Variants in NUDT21 observed in about 807,000 individuals in gnomAD.
NUDT21 encodes nudix hydrolase 21.
Under a neutral mutation model 29.8 loss-of-function variants are expected in NUDT21, and 5 were observed. That is an observed-to-expected ratio of 0.17 (90% confidence interval 0.09 to 0.35). The LOEUF (loss-of-function observed/expected upper bound fraction) is 0.35. NUDT21 is among the 10% of genes least tolerant of loss of function. The pLI, the probability that NUDT21 is intolerant of heterozygous loss-of-function variation, is 1.00. For missense variants in NUDT21, 76 were observed against 276.0 expected (o/e 0.28, Z 5.13); for synonymous variants, 113 against 98.5 (o/e 1.15, Z -0.87).
chr16:56,431,631 A>G lies in NUDT21; in HGVS notation c.*1081T>C, dbSNP rs1288551776. The G allele has an allele frequency of 6.6e-6, 1 of 152,206 alleles. No individual in the cohort carries two copies. The highest frequency in any genetic ancestry group is 2.4e-5 in the African/African-American group (1 of 41,444). The allele number at this position is 152,206 out of a possible 1,614,324, so 9.4% of individuals were successfully genotyped here. A position where few individuals can be genotyped will look rare whatever the true frequency, so the allele number is the denominator to read the frequency against. On this transcript the variant is annotated 3_prime_UTR_variant, in exon 7 of 7. Transcript: ENST00000300291. ...TCAACAAGTCTGTAATAAGGCATAC[A>G]TGCTATACTTTGATCATTAAATAAT...
At chr16:56,439,199 A>C (rs1433701658) in intron 4 of NUDT21, 1 of 154,504 alleles carries the variant, frequency 6.5e-6, no homozygotes, top group African/African-American at 2.4e-5. Context: ...TTTGAGAAGG[A>C]GTCTCACTGT....
chr16:56,443,231 C>T (rs1297670150), intron 3 of NUDT21, among the ~76,000 whole-genome samples: 3 of 151,338 alleles, frequency 2.0e-5, no homozygotes, highest in African/African-American at 7.3e-5. Context: ...GGCTGGCGTG[C>T]AGTGGCATGA....
chr16:56,450,127 A>G (rs1470038458), intron 1 of NUDT21, among the ~76,000 whole-genome samples: 6 of 152,142 alleles, frequency 3.9e-5, no homozygotes, highest in African/African-American at 1.2e-4. Flanking sequence ...AAACATCAAT[A>G]CCACCAAATC....
intron 3 of NUDT21, 88 bp from the exon 4 acceptor site, chr16:56,439,834 T>G (rs1402832220): frequency 8.9e-6 from 9 of 1,006,808 alleles, no homozygotes; most frequent in African/African-American, 1.6e-5. Flanking sequence ...TTAGCAGTGC[T>G]CCTAATTGAA....
At chr16:56,438,572 G>C (rs1326149804) in intron 4 of NUDT21, among the ~76,000 whole-genome samples, 1 of 152,138 alleles carries the variant, frequency 6.6e-6, no homozygotes, top group African/African-American at 2.4e-5. Context: ...AGGCCTAAAG[G>C]CTGCTAAATT....
intron 4 of NUDT21, 32 bp from the exon 5 acceptor site, chr16:56,434,861 G>A: frequency 8.0e-7 from 1 of 1,246,522 alleles, no homozygotes; most frequent in South Asian, 1.2e-5. Context: ...ACTTTAATAT[G>A]TATTCCATGG....
chr16:56,434,220 T>C (rs1419976416), intron 6 of NUDT21, 111 bp downstream of exon 6: 6 of 696,274 alleles, frequency 8.6e-6, no homozygotes, highest in African/African-American at 1.8e-5. Context: ...ATCTACTTTC[T>C]TAGTTTCCTT....
chr16:56,442,436 C>T (rs752100029), intron 3 of NUDT21, among the ~76,000 whole-genome samples: 2 of 152,228 alleles, frequency 1.3e-5, no homozygotes, highest in African/African-American at 2.4e-5. Flanking sequence ...AAAGACAACA[C>T]TCCACCATCC....
At chr16:56,445,238 A>T (rs987037235) in intron 3 of NUDT21, among the ~76,000 whole-genome samples, 1 of 152,162 alleles carries the variant, frequency 6.6e-6, no homozygotes, top group Non-Finnish European at 1.5e-5. Context: ...TGTATATGGG[A>T]TGCTTAACTG....
intron 1 of NUDT21, among the ~76,000 whole-genome samples, chr16:56,450,821 A>G (rs565269941): frequency 6.6e-6 from 1 of 152,352 alleles, no homozygotes; most frequent in East Asian, 1.9e-4. Flanking sequence ...TGGGGAAAGG[A>G]TGAGTTAAAA....
chr16:56,448,062 G>T, intron 1 of NUDT21, 73 bp from the exon 2 acceptor site: 1 of 1,342,814 alleles, frequency 7.4e-7, no homozygotes. Flanking sequence ...TTAGCATAAA[G>T]AAACCATGGT....
chr16:56,440,808 G>A (rs1015246550), intron 3 of NUDT21, among the ~76,000 whole-genome samples: 21 of 152,022 alleles, frequency 1.4e-4, no homozygotes, highest in African/African-American at 5.1e-4. Context: ...GCGCAATATC[G>A]GCTCACTGCA....
At chr16:56,446,137 A>T (rs1019498299) in intron 3 of NUDT21, among the ~76,000 whole-genome samples, 2 of 152,258 alleles carry the variant, frequency 1.3e-5, no homozygotes, top group Admixed American at 1.3e-4. Flanking sequence ...AATGATTTTT[A>T]AAAAGTAGAA....
At chr16:56,437,636 A>G (rs1391389321) in intron 4 of NUDT21, among the ~76,000 whole-genome samples, 1 of 152,206 alleles carries the variant, frequency 6.6e-6, no homozygotes, top group African/African-American at 2.4e-5. Context: ...AGGAGTCCCT[A>G]CATGGTTCCT....
rs553835321 is a variant in NUDT21, at chr16:56,432,879, G to A, written c.663-146C>T. On this transcript the variant is annotated intron_variant, in intron 6 of 6. Coordinates refer to ENST00000300291, the MANE Select transcript of NUDT21 (RefSeq NM_007006.3). ...TCCCCTTCGAATGCCTTTTTACCAC[G>A]TTTGGCATTTTCTACACCAATTTTC... 90 of 536,558 alleles carry A rather than the reference G, an allele frequency of 1.7e-4. No homozygotes were observed. In the South Asian group the frequency reaches 2.0e-3, roughly 12 times the overall value. 33.2% of individuals were successfully genotyped at this position (536,558 alleles called of 1,614,324 possible).
chr16:56,450,856 G>A (rs920507643), intron 1 of NUDT21, among the ~76,000 whole-genome samples: 2 of 152,206 alleles, frequency 1.3e-5, no homozygotes, highest in Non-Finnish European at 2.9e-5. Flanking sequence ...TCCCCATTAT[G>A]ACCGAATACA....
chr16:56,436,804 C>T (rs1055717273), intron 4 of NUDT21, among the ~76,000 whole-genome samples: 1 of 151,938 alleles, frequency 6.6e-6, no homozygotes, highest in African/African-American at 2.4e-5. Context: ...CCACTGACAT[C>T]TAACTAATAC....
intron 3 of NUDT21, among the ~76,000 whole-genome samples, chr16:56,444,611 A>C (rs1962196460): frequency 6.7e-6 from 1 of 149,608 alleles, no homozygotes. Flanking sequence ...AAAAAAAAAA[A>C]AACAAAAACA....
At chr16:56,441,153 C>A in intron 3 of NUDT21, among the ~76,000 whole-genome samples, 1 of 152,206 alleles carries the variant, frequency 6.6e-6, no homozygotes, top group East Asian at 1.9e-4. Flanking sequence ...CCGGCCTCAG[C>A]CCCACAAAGC....
Sources: allele counts gnomAD v4.1 joint callset (sites outside exome capture counted in the v4.1 genomes callset), GRCh38; gene constraint gnomAD v4.1.1; transcripts MANE v1.5; gene names NCBI Gene and HGNC (gene_info 2026-07-23, HGNC 2026-07-21).